Variants in RBM6 observed in about 807,000 individuals in gnomAD.
RBM6 encodes the protein RNA binding motif protein 6, also known as RNA-binding protein 6.
In RBM6, 23 loss-of-function variants were observed where a neutral mutation model predicts 140.4. The observed-to-expected ratio is 0.16, with a 90% CI of 0.12 to 0.23. RBM6 has a LOEUF of 0.23. RBM6 is among the 10% of genes least tolerant of loss of function. The pLI is 1.00. For missense variants in RBM6, 1,139 were observed against 1,386.7 expected, an observed-to-expected ratio of 0.82 and a Z score of 2.84; for synonymous variants, 439 against 475.6, an observed-to-expected ratio of 0.92 and a Z score of 1.00.
intron 6 of RBM6, among the ~76,000 whole-genome samples, chr3:50,008,410 C>T (rs1014490084): frequency 1.3e-5 from 2 of 151,908 alleles, no homozygotes; most frequent in Non-Finnish European, 1.5e-5. Flanking sequence ...GTTCAGGGGT[C>T]GTACAAAGGC....
At chr3:49,977,997 A>G (rs773480615) in intron 5 of RBM6, among the ~76,000 whole-genome samples, 1 of 152,148 alleles carries the variant, frequency 6.6e-6, no homozygotes, top group Non-Finnish European at 1.5e-5. Context: ...AGTAACAGTG[A>G]CTTAAAAATT....
Position 50,030,095 on chromosome 3 carries a change from GTCTCTATAAAAATTTTACAAATA to G in RBM6, c.1558-18148_1558-18126del, listed in dbSNP as rs1186446182. Among the ~76,000 whole-genome samples the G allele has an allele frequency of 1.1e-4, 16 of 151,732 alleles. 1 individual carries two copies. Among genetic ancestry groups the G allele is most frequent in the Admixed American group, 9.9e-4 (15 of 15,220 alleles). Reference sequence around the variant, plus strand: ...AGCCTGGGCAATGTAGTGGGACCTTGTCTCTATAAAAATTTTACAAATATATATAAAAGCTGGGCATGGGGGCA... The same window carrying G: ...AGCCTGGGCAATGTAGTGGGACCTTGTATATAAAAGCTGGGCATGGGGGCA... On this transcript the variant is annotated intron_variant, in intron 6 of 20. Coordinates refer to ENST00000266022, the MANE Select transcript of RBM6 (RefSeq NM_005777.3).
intron 13 of RBM6, 65 bp downstream of exon 13, chr3:50,061,286 T>C (rs1482917055): frequency 6.2e-7 from 1 of 1,609,578 alleles, no homozygotes; most frequent in Non-Finnish European, 8.5e-7. Flanking sequence ...TTACTTGACA[T>C]CTGTGTGATC....
At chr3:50,070,236 T>C (rs59790389) in intron 18 of RBM6, among the ~76,000 whole-genome samples, 4,888 of 152,084 alleles carry the variant, frequency 0.032, 277 homozygotes, top group African/African-American at 0.11. Context: ...TCACCTGTAG[T>C]CCCAGCTACT....
intron 4 of RBM6, among the ~76,000 whole-genome samples, chr3:49,974,159 A>G (rs951520049): frequency 6.6e-6 from 1 of 151,856 alleles, no homozygotes; most frequent in Non-Finnish European, 1.5e-5. Flanking sequence ...GGCCTCCCAA[A>G]GTGCTAGGAT....
intron 6 of RBM6, among the ~76,000 whole-genome samples, chr3:50,023,533 A>G (rs2087628644): frequency 6.6e-6 from 1 of 152,064 alleles, no homozygotes; most frequent in Non-Finnish European, 1.5e-5. Context: ...TAGTGACCGC[A>G]GTCCGTGCTA....
chr3:50,012,003 C>T (rs1468687681), intron 6 of RBM6, among the ~76,000 whole-genome samples: 2 of 151,810 alleles, frequency 1.3e-5, no homozygotes, highest in African/African-American at 4.8e-5. Context: ...AAGTTGGAAC[C>T]ATCGTGCCCA....
At chr3:50,016,619 C>T (rs1359406527) in intron 6 of RBM6, among the ~76,000 whole-genome samples, 1 of 151,856 alleles carries the variant, frequency 6.6e-6, no homozygotes, top group East Asian at 1.9e-4. Flanking sequence ...TGTTACCGTT[C>T]ATCTTTTTTA....
chr3:49,963,895 A>T (rs969425131), intron 2 of RBM6, among the ~76,000 whole-genome samples: 7 of 151,756 alleles, frequency 4.6e-5, no homozygotes. Context: ...TAACTAGTAC[A>T]TTTTCCTTTT....
At chr3:50,012,811 C>T (rs1229998734) in intron 6 of RBM6, among the ~76,000 whole-genome samples, 3 of 144,524 alleles carry the variant, frequency 2.1e-5, no homozygotes, top group Admixed American at 7.2e-5. Context: ...GGCGCAATCT[C>T]GGCTCACCAC....
At chr3:49,993,674 G>T (rs1202738889) in intron 5 of RBM6, among the ~76,000 whole-genome samples, 1 of 151,388 alleles carries the variant, frequency 6.6e-6, no homozygotes, top group East Asian at 1.9e-4. Context: ...ATAATCATCA[G>T]TGTATATCTT....
chr3:50,052,359 C>G (rs897323710), intron 7 of RBM6, among the ~76,000 whole-genome samples: 1 of 152,182 alleles, frequency 6.6e-6, no homozygotes, highest in African/African-American at 2.4e-5. Context: ...GCCATCATGC[C>G]AGGCCTGTTT....
chr3:49,957,014 G>C (rs184868722), intron 1 of RBM6, among the ~76,000 whole-genome samples: 2 of 152,160 alleles, frequency 1.3e-5, no homozygotes, highest in African/African-American at 4.8e-5. Flanking sequence ...GGAGGGTCTT[G>C]CTGTGTTGTC....
intron 6 of RBM6, among the ~76,000 whole-genome samples, chr3:50,009,615 G>A (rs903070977): frequency 2.0e-5 from 3 of 152,052 alleles, no homozygotes; most frequent in Non-Finnish European, 2.9e-5. Context: ...GGAGTGCAGC[G>A]GCATGATCAT....
At position 49,956,903 on chromosome 3, in the gene RBM6, G is replaced by A. The variant is rs1410000381; in HGVS notation, c.-66-5673G>A. 3.9e-5 allele frequency among the ~76,000 whole-genome samples: 6 copies of A among 152,180 alleles called. No homozygotes were observed. In the East Asian group the frequency reaches 1.2e-3, roughly 29 times the overall value. ...TGGTCTCGAACTCCAGACCTCAGGT[G>A]ATCCTCCCGCCTCGGCCTCCCAAAG... On this transcript the variant is annotated intron_variant, in intron 1 of 20. Coordinates refer to ENST00000266022, the MANE Select transcript of RBM6 (RefSeq NM_005777.3).
chr3:50,014,182 T>C (rs1218718171), intron 6 of RBM6, among the ~76,000 whole-genome samples: 1 of 152,150 alleles, frequency 6.6e-6, no homozygotes, highest in Non-Finnish European at 1.5e-5. Context: ...GAGTGAGGAT[T>C]GGCAAGGGGG....
intron 1 of RBM6, among the ~76,000 whole-genome samples, chr3:49,957,231 C>G (rs1431157630): frequency 6.6e-6 from 1 of 152,018 alleles, no homozygotes; most frequent in East Asian, 1.9e-4. Flanking sequence ...CAATCGGCTT[C>G]CTGAAGTGCT....
At chr3:50,042,490 T>A (rs1030453125) in intron 6 of RBM6, among the ~76,000 whole-genome samples, 2 of 152,128 alleles carry the variant, frequency 1.3e-5, no homozygotes. Context: ...CTCAACACTT[T>A]GGGAAGCTGA....
chr3:49,983,298 A>G (rs1340679791), intron 5 of RBM6, among the ~76,000 whole-genome samples: 1 of 152,204 alleles, frequency 6.6e-6, no homozygotes, highest in African/African-American at 2.4e-5. Context: ...ATAGAAATCC[A>G]TTGTGAAACT....
Sources: gnomAD v4.1 joint callset for allele counts (sites outside exome capture counted in the v4.1 genomes callset) on GRCh38, gnomAD v4.1.1 for gene constraint, MANE v1.5 for transcripts, NCBI Gene and HGNC (gene_info 2026-07-23, HGNC 2026-07-21) for gene names.